NSMCE2: variants seen among roughly 807,000 people sequenced by gnomAD.
The protein encoded by NSMCE2 is NSE2 SUMO ligase component of SMC5/6 complex, also known as E3 SUMO-protein ligase NSE2.
In NSMCE2, 24 loss-of-function variants were observed where a neutral mutation model predicts 23.8. The ratio of observed to expected loss-of-function variants is 1.01; its 90% CI spans 0.73 to 1.42. The LOEUF (loss-of-function observed/expected upper bound fraction) is 1.42, where lower values mean the gene tolerates loss of function less well. Ranked by LOEUF, NSMCE2 falls within the 40% of genes most tolerant of loss-of-function variation. The pLI is 0.00. For missense variants in NSMCE2, 284 were observed against 296.5 expected (o/e 0.96, Z 0.31); for synonymous variants, 92 against 94.1 (o/e 0.98, Z 0.13).
intron 3 of NSMCE2, chr8:125,130,102 T>C: frequency 6.0e-6 from 2 of 332,756 alleles, no homozygotes; most frequent in South Asian, 2.4e-5. Flanking sequence ...GTTTCGCTTT[T>C]TTTTTTCTTG....
At chr8:125,237,800 G>C (rs922921887) in intron 5 of NSMCE2, among the ~76,000 whole-genome samples, 1 of 152,200 alleles carries the variant, frequency 6.6e-6, no homozygotes, top group Admixed American at 6.5e-5. Flanking sequence ...GGCACAGACT[G>C]CTGGATTCCC....
At position 125,267,324 on chromosome 8, in the gene NSMCE2, A is replaced by G. The variant is rs111383324; in HGVS notation, c.418+85068A>G. Among the ~76,000 whole-genome samples the G allele has an allele frequency of 1.5e-3, 228 of 152,166 alleles. 2 individuals are homozygous for G. Among genetic ancestry groups the G allele is most frequent in the African/African-American group, 5.4e-3 (225 of 41,516 alleles). On this transcript the variant is annotated intron_variant, in intron 5 of 7. Transcript: ENST00000287437. ...GCCCAGCCAAGGGTACCTTTTCTAA[A>G]TATATGTTCTCTTTATTGGTTTACT...
intron 5 of NSMCE2, among the ~76,000 whole-genome samples, chr8:125,344,196 A>G (rs1830352020): frequency 6.6e-6 from 1 of 152,168 alleles, no homozygotes; most frequent in Admixed American, 6.5e-5. Flanking sequence ...CATTTGTTTC[A>G]ATTTGACTAA....
chr8:125,265,613 C>G (rs1386939683), intron 5 of NSMCE2, among the ~76,000 whole-genome samples: 1 of 152,198 alleles, frequency 6.6e-6, no homozygotes, highest in Admixed American at 6.5e-5. Context: ...AATTTTGCCT[C>G]TCAGGCAGGT....
chr8:125,324,821 GC>G (rs1338485116), intron 5 of NSMCE2, among the ~76,000 whole-genome samples: 4 of 59,472 alleles, frequency 6.7e-5, no homozygotes, highest in African/African-American at 1.4e-4. Flanking sequence ...TGATCCGCCC[GC>G]CTCGGCCTCC....
chr8:125,360,273 C>T (rs1295921910), intron 7 of NSMCE2, among the ~76,000 whole-genome samples: 2 of 152,144 alleles, frequency 1.3e-5, no homozygotes, highest in African/African-American at 4.8e-5. Context: ...GTGAGTTTTG[C>T]AGTCAGGGGA....
intron 5 of NSMCE2, among the ~76,000 whole-genome samples, chr8:125,228,613 T>C (rs1825196792): frequency 1.3e-5 from 2 of 152,122 alleles, no homozygotes; most frequent in South Asian, 4.1e-4. Flanking sequence ...GAGAGTATAG[T>C]ACATTCAGAG....
chr8:125,257,658 C>T (rs548323361), intron 5 of NSMCE2, among the ~76,000 whole-genome samples: 9 of 151,444 alleles, frequency 5.9e-5, no homozygotes, highest in Admixed American at 2.0e-4. Flanking sequence ...CTCAGCCTCC[C>T]GAGTAGCTGG....
intron 4 of NSMCE2, among the ~76,000 whole-genome samples, chr8:125,172,973 A>G (rs1465347962): frequency 2.0e-5 from 3 of 152,174 alleles, no homozygotes; most frequent in African/African-American, 4.8e-5. Context: ...TCCTGCCTAT[A>G]TGGAGTTATT....
At chr8:125,217,485 C>T (rs796398239) in intron 5 of NSMCE2, among the ~76,000 whole-genome samples, 24 of 152,172 alleles carry the variant, frequency 1.6e-4, no homozygotes, top group African/African-American at 5.5e-4. Flanking sequence ...CTCAGCCTCC[C>T]GAGTAGCTGG....
intron 3 of NSMCE2, among the ~76,000 whole-genome samples, chr8:125,149,157 A>G (rs1235546895): frequency 3.3e-5 from 5 of 152,084 alleles, no homozygotes; most frequent in African/African-American, 9.7e-5. Flanking sequence ...TGTAAATACA[A>G]ATTTTTCTTA....
intron 5 of NSMCE2, among the ~76,000 whole-genome samples, chr8:125,270,207 C>G (rs981645151): frequency 1.3e-5 from 2 of 152,200 alleles, no homozygotes; most frequent in Non-Finnish European, 2.9e-5. Context: ...TGACTCATGC[C>G]TGTAATCCCA....
chr8:125,313,229 G>GAAGAAAGA (rs58458829), intron 5 of NSMCE2, among the ~76,000 whole-genome samples: 7 of 150,238 alleles, frequency 4.7e-5, no homozygotes, highest in African/African-American at 1.5e-4. Flanking sequence ...GAAAGAAAAA[G>GAAGAAAGA]AAGAAAGAAA....
At chr8:125,159,094 A>C (rs986664405) in intron 4 of NSMCE2, among the ~76,000 whole-genome samples, 15 of 152,232 alleles carry the variant, frequency 9.9e-5, no homozygotes, top group African/African-American at 2.9e-4. Context: ...TCCTGTCTTC[A>C]TCACAAGAGG....
chr8:125,216,287 T>C (rs1309336709), intron 5 of NSMCE2, among the ~76,000 whole-genome samples: 3 of 152,222 alleles, frequency 2.0e-5, no homozygotes, highest in African/African-American at 4.8e-5. Context: ...ATGTATCTGT[T>C]TGAGTTTCTG....
At chr8:125,202,575 T>C (rs1053719647) in intron 5 of NSMCE2, among the ~76,000 whole-genome samples, 5 of 152,218 alleles carry the variant, frequency 3.3e-5, no homozygotes, top group Admixed American at 2.0e-4. Context: ...ATAATAATGC[T>C]AACTAGCCCA....
At position 125,346,113 on chromosome 8, in the gene NSMCE2, C is replaced by T. The variant is rs111925223; in HGVS notation, c.419-11106C>T. Among the ~76,000 whole-genome samples the T allele has an allele frequency of 6.1e-3, 927 of 151,814 alleles. 8 individuals are homozygous for T. Among genetic ancestry groups the T allele is most frequent in the African/African-American group, 0.022 (901 of 41,390 alleles). ...CAAAGGTTGCAGTGAGCCAAGATCG[C>T]ACCATTGCACTCCAGCCTGGGCTAC... On this transcript the variant is annotated intron_variant, in intron 5 of 7. Coordinates refer to ENST00000287437, the MANE Select transcript of NSMCE2 (RefSeq NM_173685.4).
intron 3 of NSMCE2, among the ~76,000 whole-genome samples, chr8:125,141,027 G>A (rs529905444): frequency 6.6e-6 from 1 of 152,202 alleles, no homozygotes; most frequent in Non-Finnish European, 1.5e-5. Context: ...GCTTTAAAAT[G>A]ACAGATTCCC....
intron 5 of NSMCE2, among the ~76,000 whole-genome samples, chr8:125,321,964 G>A (rs959712128): frequency 3.9e-5 from 6 of 152,104 alleles, no homozygotes; most frequent in African/African-American, 1.4e-4. Flanking sequence ...GCATCTTTAT[G>A]TATGCTTATT....
Sources: gnomAD v4.1 joint callset for allele counts (sites outside exome capture counted in the v4.1 genomes callset) on GRCh38, gnomAD v4.1.1 for gene constraint, MANE v1.5 for transcripts, NCBI Gene and HGNC (gene_info 2026-07-23, HGNC 2026-07-21) for gene names.